Variants in PNPLA1 observed in about 807,000 individuals in gnomAD.
PNPLA1 encodes the protein patatin like domain 1, omega-hydroxyceramide transacylase, also known as omega-hydroxyceramide transacylase.
In PNPLA1, 36 loss-of-function variants were observed where a neutral mutation model predicts 51.7. The ratio of observed to expected loss-of-function variants is 0.70; its 90% confidence interval spans 0.53 to 0.92. The LOEUF (loss-of-function observed/expected upper bound fraction) is 0.92. PNPLA1 is among the 40% of genes least tolerant of loss of function. PNPLA1 has a pLI of 0.00. For synonymous variants in PNPLA1, 293 were observed against 280.1 expected (o/e 1.05, Z -0.46); for missense variants, 658 against 682.5 (o/e 0.96, Z 0.40).
At chr6:36,304,265 C>T (rs1441680003) in intron 6 of PNPLA1, among the ~76,000 whole-genome samples, 1 of 152,136 alleles carries the variant, frequency 6.6e-6, no homozygotes, top group African/African-American at 2.4e-5. Context: ...GTCTCCTCAT[C>T]TGGGAATTAG....
At chr6:36,270,914 G>C (rs998963646) in intron 1 of PNPLA1, among the ~76,000 whole-genome samples, 1 of 152,192 alleles carries the variant, frequency 6.6e-6, no homozygotes, top group Non-Finnish European at 1.5e-5. Flanking sequence ...GCCCTTACCT[G>C]TGAGATGCTC....
chr6:36,311,495 G>C (rs1411710793), intron 8 of PNPLA1, among the ~76,000 whole-genome samples: 1 of 152,188 alleles, frequency 6.6e-6, no homozygotes, highest in Non-Finnish European at 1.5e-5. Flanking sequence ...GACTTCCCGT[G>C]TGGTGCTGCA....
intron 3 of PNPLA1, 89 bp downstream of exon 3, chr6:36,293,215 C>A: frequency 7.6e-7 from 1 of 1,320,368 alleles, no homozygotes; most frequent in Non-Finnish European, 1.1e-6. Flanking sequence ...GGGGGGTGGT[C>A]TCAGAATGCA....
chr6:36,288,607 C>G (rs1473073664), intron 1 of PNPLA1, among the ~76,000 whole-genome samples: 1 of 151,600 alleles, frequency 6.6e-6, no homozygotes, highest in East Asian at 1.9e-4. Context: ...CGCCCGCCAC[C>G]GCGCCCGGCT....
Position 36,294,287 on chromosome 6 carries a change from C to G in PNPLA1, c.602C>G (p.Pro201Arg). The G allele has an allele frequency of 6.2e-7, 1 of 1,614,230 alleles. No homozygotes were observed. Among genetic ancestry groups the G allele is most frequent in the African/African-American group, 1.3e-5 (1 of 75,050 alleles). The part of the protein sequence containing the change: ...STFSGQQDIC[P>R]RDCPAIFHDF... ...TTCAGTGGGCAGCAGGACATCTGTCCCCGGGACTGCCCGGCCATCTTCCAC... is the reference window on the plus strand; with the variant it reads ...TTCAGTGGGCAGCAGGACATCTGTCGCCGGGACTGCCCGGCCATCTTCCAC... The change falls in exon 4 of 9, where the codon CCC becomes CGC. Residue 201 changes from proline to arginine, a missense_variant. Transcript: ENST00000636260. The surrounding 1 kb of genome is among the most constrained non-coding windows in gnomAD (Gnocchi z 4.2).
At chr6:36,302,714 C>T (rs1037160429) in intron 6 of PNPLA1, among the ~76,000 whole-genome samples, 4 of 152,218 alleles carry the variant, frequency 2.6e-5, no homozygotes, top group Non-Finnish European at 1.5e-5. Flanking sequence ...AAAAGCATCA[C>T]CTGGGAACTT....
intron 4 of PNPLA1, 67 bp from the exon 5 acceptor site, chr6:36,295,297 G>A: frequency 6.5e-7 from 1 of 1,543,512 alleles, no homozygotes; most frequent in Non-Finnish European, 9.0e-7. Context: ...GCTGCCCTGG[G>A]TCGGGGGAAC....
Position 36,291,151 on chromosome 6 carries a change from C to T in PNPLA1, c.206-169C>T, listed in dbSNP as rs138705921. ...ACTTCCTTCCTCAATATCTTGCTTC[C>T]GTCATGTGCAAGACAGCAGGCCGAT... On this transcript the variant is annotated intron_variant, in intron 1 of 8. Transcript: ENST00000636260. Among the ~76,000 whole-genome samples the T allele has an allele frequency of 1.5e-3, 225 of 152,320 alleles. 6 individuals are homozygous for T. In the South Asian group the frequency reaches 0.036, roughly 24 times the overall value.
At chr6:36,248,767 C>T (rs942195668) in intron 1 of PNPLA1, among the ~76,000 whole-genome samples, 1 of 152,202 alleles carries the variant, frequency 6.6e-6, no homozygotes, top group African/African-American at 2.4e-5. Context: ...GATCCGCCCA[C>T]GTCAGCCTCC....
At position 36,307,685 on chromosome 6, in the gene PNPLA1, G is replaced by T; in HGVS notation, c.1568G>T (p.Gly523Val). The part of the protein sequence containing the change: ...GTRKGFPRHS[G>V]SKKPSSKVQS... ...AGAAAAGGCTTCCCAAGACATTCGG[G>T]ATCCAAAAAACCAAGCAGCAAAGTG... The change falls in exon 8 of 9, where the codon GGA becomes GTA. Residue 523 changes from glycine (G) to valine (V), a missense_variant. Transcript: ENST00000636260. 1 of 1,613,954 alleles carries T rather than the reference G, an allele frequency of 6.2e-7. No homozygotes were observed. The highest frequency in any genetic ancestry group is 8.5e-7 in the Non-Finnish European group (1 of 1,179,950).
Position 36,291,343 on chromosome 6 carries a change from G to T in PNPLA1, c.229G>T (p.Val77Leu). ...AGATGAGTATCTCAGAGTCCTCAAC[G>T]TGGGTGTGGCCGAGGTGAAGAAATC... ...EMDEYLRVLN[V>L]GVAEVKKSFL... Residue 77 changes from valine to leucine, a missense_variant, in exon 2 of 9, where the codon GTG becomes TTG. Physicochemically the swap from Val to Leu is conservative, Grantham distance 32 (BLOSUM62 1). Transcript: ENST00000636260. 1 of 1,614,106 alleles carries T rather than the reference G, an allele frequency of 6.2e-7. No homozygotes were observed. The highest frequency in any genetic ancestry group is 8.5e-7 in the Non-Finnish European group (1 of 1,180,006).
intron 1 of PNPLA1, among the ~76,000 whole-genome samples, chr6:36,252,307 A>G (rs1304132018): frequency 2.0e-5 from 3 of 152,166 alleles, no homozygotes; most frequent in African/African-American, 7.2e-5. Flanking sequence ...TAGTCTTGTC[A>G]TGTAATCCAC....
At chr6:36,291,806 C>T (rs936585887) in intron 2 of PNPLA1, among the ~76,000 whole-genome samples, 32 of 152,286 alleles carry the variant, frequency 2.1e-4, no homozygotes, top group Admixed American at 1.7e-3. Context: ...CGGCCCCCTG[C>T]GCTAAGCCTG....
At chr6:36,262,189 C>G (rs1349266212) in intron 1 of PNPLA1, among the ~76,000 whole-genome samples, 1 of 152,144 alleles carries the variant, frequency 6.6e-6, no homozygotes, top group African/African-American at 2.4e-5. Flanking sequence ...GGCTGATCCT[C>G]TGGCTCAGAC....
chr6:36,284,323 T>A (rs1034693473), intron 1 of PNPLA1, among the ~76,000 whole-genome samples: 1 of 152,252 alleles, frequency 6.6e-6, no homozygotes, highest in African/African-American at 2.4e-5. Context: ...GGATTGTTAT[T>A]ATCCATTAAA....
chr6:36,298,296 A>G lies in PNPLA1; in HGVS notation c.775+2872A>G, dbSNP rs376741956. Among the ~76,000 whole-genome samples, 77 of 152,340 alleles carry G rather than the reference A, an allele frequency of 5.1e-4. 4 individuals carry two copies. In the South Asian group the frequency reaches 0.013, roughly 26 times the overall value. On this transcript the variant is annotated intron_variant, in intron 5 of 8. Transcript: ENST00000636260. ...TTGGGCTATTATGGATAAAGCTGCT[A>G]TGAACACTCACGCATGAGTCTTGGT... is the stretch of plus-strand genomic sequence containing the variant.
At chr6:36,257,528 G>A (rs1420307747) in intron 1 of PNPLA1, among the ~76,000 whole-genome samples, 1 of 151,928 alleles carries the variant, frequency 6.6e-6, no homozygotes, top group African/African-American at 2.4e-5. Context: ...ATGGCCAAAG[G>A]CAAAAAAATG....
intron 1 of PNPLA1, among the ~76,000 whole-genome samples, chr6:36,264,250 T>C (rs1769715170): frequency 1.3e-5 from 2 of 152,230 alleles, no homozygotes; most frequent in African/African-American, 4.8e-5. Context: ...AAGGATTCAC[T>C]GTGGCATTGC....
At chr6:36,265,873 T>C (rs924661314), upstream of PNPLA1, among the ~76,000 whole-genome samples, 1 of 152,204 alleles carries the variant, frequency 6.6e-6, no homozygotes, top group Non-Finnish European at 1.5e-5. Flanking sequence ...ATTCACACTT[T>C]TCCTACATTT....
Sources: gnomAD v4.1 joint callset for allele counts (sites outside exome capture counted in the v4.1 genomes callset) on GRCh38, gnomAD v4.1.1 for gene constraint, Gnocchi (gnomAD v3.1) non-coding constraint, MANE v1.5 for transcripts, NCBI Gene and HGNC (gene_info 2026-07-23, HGNC 2026-07-21) for gene names.